ULK4: variants seen among roughly 807,000 people sequenced by gnomAD.
The protein encoded by ULK4 is inactive serine/threonine-protein kinase ULK4.
Under a neutral mutation model 160.6 loss-of-function variants are expected in ULK4, and 133 were observed. That is an observed-to-expected ratio of 0.83 (90% CI 0.72 to 0.96). ULK4 has a LOEUF of 0.96. ULK4 is among the 40% of genes least tolerant of loss of function. The probability of loss-of-function intolerance (pLI) is 0.00; values close to 1 mark genes in which losing one functional copy is unlikely to be tolerated. For missense variants in ULK4, 1,580 were observed against 1,499.5 expected (o/e 1.05, Z -0.89); for synonymous variants, 534 against 539.8 (o/e 0.99, Z 0.15).
At chr3:41,644,346 T>C (rs1460428014) in intron 30 of ULK4, among the ~76,000 whole-genome samples, 87 of 151,952 alleles carry the variant, frequency 5.7e-4, no homozygotes, top group African/African-American at 2.1e-3. Context: ...AGATAGCTCT[T>C]ATTATTTTGA....
At chr3:41,389,182 T>C (rs1035687464) in intron 35 of ULK4, among the ~76,000 whole-genome samples, 1 of 152,128 alleles carries the variant, frequency 6.6e-6, no homozygotes, top group African/African-American at 2.4e-5. Flanking sequence ...TGTCTGTTAT[T>C]GGTGTATAAG....
At chr3:41,519,770 G>A (rs1299854863) in intron 32 of ULK4, among the ~76,000 whole-genome samples, 2 of 152,086 alleles carry the variant, frequency 1.3e-5, no homozygotes, top group African/African-American at 2.4e-5. Flanking sequence ...AACTTTTCAG[G>A]GTCTTCTGAC....
At position 41,323,391 on chromosome 3, in the gene ULK4, AACACACAC is replaced by A. The variant is rs34357899; in HGVS notation, c.3679-73825_3679-73818del. Among the ~76,000 whole-genome samples the A allele has an allele frequency of 4.2e-3, 503 of 120,318 alleles. 4 individuals are homozygous for A. Among genetic ancestry groups the A allele is most frequent in the South Asian group, 0.037 (114 of 3,110 alleles). 78.9% of individuals were successfully genotyped at this position (120,318 alleles called of 152,430 possible). On this transcript the variant is annotated intron_variant, in intron 35 of 36. Transcript: ENST00000301831. ...AAATCCCGACCCCTTCCTGAACAAT[AACACACAC>A]ACACACACACACACACACACACACA...
At chr3:41,507,158 A>G (rs1399557206) in intron 32 of ULK4, among the ~76,000 whole-genome samples, 2 of 142,246 alleles carry the variant, frequency 1.4e-5, no homozygotes, top group African/African-American at 5.2e-5. Context: ...AGAATTATAC[A>G]TAATACTAAT....
intron 29 of ULK4, among the ~76,000 whole-genome samples, chr3:41,678,585 T>C (rs981985950): frequency 8.5e-5 from 13 of 152,176 alleles, no homozygotes; most frequent in African/African-American, 3.1e-4. Flanking sequence ...AATCCAGCTG[T>C]ATCCACAAGT....
In ULK4 at chr3:41,842,178, T is replaced by TA. The variant is rs1178331973; in HGVS notation, c.1657-6208dup. Among the ~76,000 whole-genome samples, 1,003 of 113,282 alleles carry TA rather than the reference T, an allele frequency of 8.9e-3. 20 individuals are homozygous for TA. Among genetic ancestry groups the TA allele is most frequent in the South Asian group, 0.022 (82 of 3,804 alleles). 74.3% of individuals were successfully genotyped at this position (113,282 alleles called of 152,430 possible). A position where few individuals can be genotyped will look rare whatever the true frequency, so the allele number is the denominator to read the frequency against. ...AGAAAATAACGCTGCAATGAACATG[T>TA]AAAAAAAAAAATAAAAAAAAAGAAG... is the stretch of plus-strand genomic sequence containing the variant. On this transcript the variant is annotated intron_variant, in intron 17 of 36. Coordinates refer to ENST00000301831, the MANE Select transcript of ULK4 (RefSeq NM_017886.4).
chr3:41,479,344 T>C (rs1355262853), intron 32 of ULK4, among the ~76,000 whole-genome samples: 1 of 152,178 alleles, frequency 6.6e-6, no homozygotes, highest in Non-Finnish European at 1.5e-5. Context: ...AATGCCAGAC[T>C]GAAGGAATTA....
At chr3:41,717,647 TA>T in intron 23 of ULK4, 80 bp downstream of exon 23, 1 of 1,526,026 alleles carries the variant, frequency 6.6e-7, no homozygotes, top group Non-Finnish European at 8.9e-7. Flanking sequence ...CAAGTAAGAA[TA>T]AAAAAGAACT....
chr3:41,328,398 T>A (rs2080376248), intron 35 of ULK4, among the ~76,000 whole-genome samples: 1 of 151,826 alleles, frequency 6.6e-6, no homozygotes, highest in African/African-American at 2.4e-5. Flanking sequence ...TTCAGAGGGA[T>A]GCAAAAAACG....
At chr3:41,868,713 T>C (rs149423429) in intron 17 of ULK4, among the ~76,000 whole-genome samples, 1 of 152,136 alleles carries the variant, frequency 6.6e-6, no homozygotes, top group Admixed American at 6.6e-5. Flanking sequence ...GTCAGAGTGA[T>C]CTTGAACTTC....
rs1576021377 is a variant in ULK4, at chr3:41,957,715, A to G, written c.-48-2908T>C. Among the ~76,000 whole-genome samples the G allele has an allele frequency of 2.1e-5, 3 of 144,314 alleles. No individual in the cohort carries two copies. In the South Asian group the frequency reaches 6.5e-4, roughly 31 times the overall value. 94.7% of individuals were successfully genotyped at this position (144,314 alleles called of 152,430 possible). On this transcript the variant is annotated intron_variant, in intron 1 of 36. Coordinates refer to ENST00000301831, the MANE Select transcript of ULK4 (RefSeq NM_017886.4). ...ACAACAGGGTGAGACCATGTCTCAGAAAAAAAAAAAAAATTAAAAATTAAA... is the reference window on the plus strand; with the variant it reads ...ACAACAGGGTGAGACCATGTCTCAGGAAAAAAAAAAAAATTAAAAATTAAA...
intron 35 of ULK4, among the ~76,000 whole-genome samples, chr3:41,312,415 AG>A (rs1168795001): frequency 6.6e-6 from 1 of 152,226 alleles, no homozygotes; most frequent in African/African-American, 2.4e-5. Flanking sequence ...AGCAACCTAC[AG>A]GTTTTGATAT....
rs572064755 is a variant in ULK4, at chr3:41,647,339, C to T, written c.3071+16268G>A. ...CTTTGTGGTTTTATCTACTTTTGGT[C>T]TTTGATGATGGTGATGTACAGATGG... is the stretch of plus-strand genomic sequence containing the variant. On this transcript the variant is annotated intron_variant, in intron 30 of 36. Transcript: ENST00000301831. 5.9e-5 allele frequency among the ~76,000 whole-genome samples: 9 copies of T among 152,212 alleles called. No individual in the cohort carries two copies. In the South Asian group the frequency reaches 1.7e-3, roughly 28 times the overall value.
chr3:41,487,340 T>C (rs2084575684), intron 32 of ULK4, among the ~76,000 whole-genome samples: 1 of 152,180 alleles, frequency 6.6e-6, no homozygotes, highest in Admixed American at 6.5e-5. Flanking sequence ...AACAAAGTTA[T>C]GTTTTACAGT....
rs1185359006 is a variant in ULK4 at position 41,911,887 on chromosome 3, A to G, written c.897-228T>C. The stretch of plus-strand genomic sequence containing the variant: ...CCAGGCTAAGGCCAGGCGTGGTGGT[A>G]CACACCTGTAATCCCCGCACTTTGG... On this transcript the variant is annotated intron_variant, in intron 9 of 36. Transcript: ENST00000301831. Among the ~76,000 whole-genome samples the G allele has an allele frequency of 3.3e-5, 5 of 152,242 alleles. No homozygotes were observed. In the East Asian group the frequency reaches 5.8e-4, roughly 18 times the overall value.
In ULK4 at chr3:41,279,336, T is replaced by C. The variant is rs145284760; in HGVS notation, c.3679-29762A>G. The stretch of plus-strand genomic sequence containing the variant: ...GTGAAAAGACCAAATCTACGTTTGA[T>C]TGATGTACCTGAAAATGACGGGGAG... On this transcript the variant is annotated intron_variant, in intron 35 of 36. Coordinates refer to ENST00000301831, the MANE Select transcript of ULK4 (RefSeq NM_017886.4). Among the ~76,000 whole-genome samples the C allele has an allele frequency of 7.7e-4, 116 of 150,662 alleles. 1 individual carries two copies. Among genetic ancestry groups the C allele is most frequent in the African/African-American group, 2.8e-3 (113 of 40,944 alleles).
chr3:41,915,753 G>A (rs1173268648), intron 8 of ULK4, among the ~76,000 whole-genome samples: 2 of 152,120 alleles, frequency 1.3e-5, no homozygotes, highest in African/African-American at 4.8e-5. Flanking sequence ...AATTCCTCAT[G>A]ATTAAAAACA....
At position 41,647,883 on chromosome 3, in the gene ULK4, C is replaced by T. The variant is rs528123549; in HGVS notation, c.3071+15724G>A. On this transcript the variant is annotated intron_variant, in intron 30 of 36. Transcript: ENST00000301831. The stretch of plus-strand genomic sequence containing the variant: ...GCTTCCCAGCTGCTTTGTGTACCTA[C>T]GCAAGCCTGAGCAATGGCGGGCGCC... Among the ~76,000 whole-genome samples the T allele has an allele frequency of 1.3e-3, 202 of 152,358 alleles. 1 individual carries two copies. Among genetic ancestry groups the T allele is most frequent in the African/African-American group, 3.8e-3 (158 of 41,584 alleles).
intron 32 of ULK4, among the ~76,000 whole-genome samples, chr3:41,481,108 A>T (rs904066173): frequency 7.2e-5 from 11 of 152,336 alleles, no homozygotes; most frequent in African/African-American, 2.4e-4. Flanking sequence ...TCCAGTCAAC[A>T]GTAGGCTATT....
Sources: gnomAD v4.1 joint callset for allele counts (sites outside exome capture counted in the v4.1 genomes callset) on GRCh38, gnomAD v4.1.1 for gene constraint, MANE v1.5 for transcripts, NCBI Gene and HGNC (gene_info 2026-07-23, HGNC 2026-07-21) for gene names.